The following CLNK variants were observed in gnomAD, a reference collection of about 807,000 sequenced individuals.
The protein encoded by CLNK is cytokine-dependent hematopoietic cell linker.
CLNK carries 74 observed loss-of-function variants against 68.6 expected under a neutral mutation model. The observed-to-expected ratio is 1.08, with a 90% CI of 0.89 to 1.31. The LOEUF is 1.31. CLNK is among the 50% of genes most tolerant of loss of function. The probability of loss-of-function intolerance (pLI) is 0.00; values close to 1 mark genes in which losing one functional copy is unlikely to be tolerated. For missense variants in CLNK, 553 were observed against 515.3 expected (o/e 1.07, Z -0.71); for synonymous variants, 198 against 172.2 (o/e 1.15, Z -1.17).
chr4:10,586,013 C>CA (rs890267839), intron 3 of CLNK, among the ~76,000 whole-genome samples: 5 of 152,086 alleles, frequency 3.3e-5, no homozygotes, highest in African/African-American at 1.2e-4. Flanking sequence ...GTAGGAGTCT[C>CA]ACAAAGAGCG....
chr4:10,679,894 T>G (rs965943680), intron 1 of CLNK, among the ~76,000 whole-genome samples: 1 of 152,002 alleles, frequency 6.6e-6, no homozygotes, highest in Non-Finnish European at 1.5e-5. Flanking sequence ...TGTGGAGAAA[T>G]AGGAACACTT....
chr4:10,542,113 G>T, intron 9 of CLNK, 72 bp from the exon 10 acceptor site: 2 of 1,359,664 alleles, frequency 1.5e-6, no homozygotes, highest in Non-Finnish European at 2.0e-6. Context: ...ACAGTTTTTT[G>T]GTTTACAAAT....
intron 3 of CLNK, among the ~76,000 whole-genome samples, chr4:10,597,390 T>G (rs994811810): frequency 6.6e-6 from 1 of 152,176 alleles, no homozygotes; most frequent in East Asian, 1.9e-4. Flanking sequence ...TTGTCTCTAG[T>G]CAGTAATTCG....
Position 10,584,920 on chromosome 4 carries a change from G to A in CLNK, c.112+7C>T, listed in dbSNP as rs748560667. On this transcript the variant is annotated splice_region_variant and intron_variant, in intron 4 of 18. Coordinates refer to ENST00000226951, the MANE Select transcript of CLNK (RefSeq NM_052964.4). ...CACCACTTAGGTGACAGAGAGCCCC[G>A]ACTCACCTGTGGCACTATTGATGCG... 3.1e-6 allele frequency: 5 copies of A among 1,613,400 alleles called. No individual in the cohort carries two copies. In the African/African-American group the frequency reaches 4.0e-5, roughly 13 times the overall value.
At chr4:10,499,495 G>A (rs1354751756) in intron 18 of CLNK, among the ~76,000 whole-genome samples, 1 of 152,182 alleles carries the variant, frequency 6.6e-6, no homozygotes, top group Non-Finnish European at 1.5e-5. Context: ...GGTCAGACAC[G>A]GGATTTAAGC....
At chr4:10,647,841 A>G (rs898479603) in intron 2 of CLNK, among the ~76,000 whole-genome samples, 1 of 152,206 alleles carries the variant, frequency 6.6e-6, no homozygotes, top group African/African-American at 2.4e-5. Flanking sequence ...CGATAAACAT[A>G]GATATATTAT....
intron 4 of CLNK, among the ~76,000 whole-genome samples, chr4:10,574,151 A>G (rs2108829866): frequency 6.6e-6 from 1 of 152,254 alleles, no homozygotes; most frequent in South Asian, 2.1e-4. Flanking sequence ...GCCTGATCCT[A>G]ACACCGTGCA....
rs558146385 is a variant in CLNK, at chr4:10,525,927, A to G, written c.650-5T>C. The G allele has an allele frequency of 1.3e-5, 20 of 1,540,188 alleles. No homozygotes were observed. Among genetic ancestry groups the G allele is most frequent in the East Asian group, 2.3e-5 (1 of 42,758 alleles). On this transcript the variant is annotated splice_polypyrimidine_tract_variant and splice_region_variant and intron_variant, in intron 13 of 18. Transcript: ENST00000226951. ...GCTTCCTCTGGTTATGAGGAACTAT[A>G]TAAAACAGTGACATAATTTGGTCAG...
chr4:10,632,460 A>G (rs1722929661), intron 2 of CLNK, among the ~76,000 whole-genome samples: 2 of 152,260 alleles, frequency 1.3e-5, no homozygotes, highest in African/African-American at 4.8e-5. Context: ...CACGCATATC[A>G]GACTATACAA....
In CLNK at chr4:10,489,078, T is replaced by A. The variant is rs1436630416; in HGVS notation, c.*1389A>T. 6.6e-6 allele frequency: 1 copy of A among 152,110 alleles called. No individual in the cohort carries two copies. Among genetic ancestry groups the A allele is most frequent in the East Asian group, 1.9e-4 (1 of 5,198 alleles). The allele number at this position is 152,110 out of a possible 1,614,324, so 9.4% of individuals were successfully genotyped here. A position where few individuals can be genotyped will look rare whatever the true frequency, so the allele number is the denominator to read the frequency against. Reference sequence around the variant, plus strand: ...TTCTCTCTCTCTCTCTCTTTTTTTTTAAATTAGCTTTTCAACTTGATTGTA... The same window carrying A: ...TTCTCTCTCTCTCTCTCTTTTTTTTAAAATTAGCTTTTCAACTTGATTGTA... On this transcript the variant is annotated 3_prime_UTR_variant, in exon 19 of 19. Transcript: ENST00000226951.
intron 2 of CLNK, among the ~76,000 whole-genome samples, chr4:10,618,571 C>T (rs920366421): frequency 6.6e-6 from 1 of 152,094 alleles, no homozygotes; most frequent in Non-Finnish European, 1.5e-5. Context: ...AAAGAAATAC[C>T]TTAGACTGGG....
chr4:10,665,582 T>A (rs1169785597), intron 2 of CLNK, among the ~76,000 whole-genome samples: 1 of 147,212 alleles, frequency 6.8e-6, no homozygotes, highest in African/African-American at 2.5e-5. Flanking sequence ...GAGAATCACT[T>A]GAACCAGGGA....
At chr4:10,609,729 G>A (rs1462133890) in intron 2 of CLNK, among the ~76,000 whole-genome samples, 2 of 152,252 alleles carry the variant, frequency 1.3e-5, no homozygotes, top group Non-Finnish European at 2.9e-5. Flanking sequence ...GTGCAAAGTG[G>A]AGGGTGGCAT....
At chr4:10,509,859 C>T (rs1004327) in intron 16 of CLNK, among the ~76,000 whole-genome samples, 97,232 of 151,860 alleles carry the variant, frequency 0.64, 31,450 homozygotes, top group Non-Finnish European at 0.7. Context: ...TAGTCCCTAC[C>T]CCCAGGGGAG....
intron 2 of CLNK, among the ~76,000 whole-genome samples, chr4:10,644,617 T>C (rs533483644): frequency 6.6e-6 from 1 of 152,276 alleles, no homozygotes; most frequent in South Asian, 2.1e-4. Context: ...CTTGCATTGA[T>C]AGCAAAATTT....
At chr4:10,545,212 A>G (rs1252115327) in intron 8 of CLNK, among the ~76,000 whole-genome samples, 1 of 152,214 alleles carries the variant, frequency 6.6e-6, no homozygotes, top group Non-Finnish European at 1.5e-5. Context: ...TCCAAAGTTC[A>G]GAGTCTCCTC....
At chr4:10,532,618 T>C (rs545235296) in intron 11 of CLNK, among the ~76,000 whole-genome samples, 1 of 152,292 alleles carries the variant, frequency 6.6e-6, no homozygotes, top group East Asian at 1.9e-4. Flanking sequence ...TCAGACCTAT[T>C]ATTAACTTGG....
chr4:10,629,926 C>T lies in CLNK; in HGVS notation c.12-31877G>A, dbSNP rs754028700. Among the ~76,000 whole-genome samples, 63 of 152,140 alleles carry T rather than the reference C, an allele frequency of 4.1e-4. 1 individual carries two copies. The highest frequency in any genetic ancestry group is 2.4e-3 in the Admixed American group (37 of 15,286). On this transcript the variant is annotated intron_variant, in intron 2 of 18. Coordinates refer to ENST00000226951, the MANE Select transcript of CLNK (RefSeq NM_052964.4). ...GAAATATCCCATAAATCTTTGAAAA[C>T]GAAAATTTCTTCTCTCTCCTCAGTC...
At chr4:10,526,862 A>T (rs1414468593) in intron 13 of CLNK, among the ~76,000 whole-genome samples, 1 of 152,204 alleles carries the variant, frequency 6.6e-6, no homozygotes, top group Non-Finnish European at 1.5e-5. Flanking sequence ...AGAATTGCCA[A>T]GGGCACATCA....
Sources: gnomAD v4.1 joint callset for allele counts (sites outside exome capture counted in the v4.1 genomes callset) on GRCh38, gnomAD v4.1.1 for gene constraint, MANE v1.5 for transcripts, NCBI Gene and HGNC (gene_info 2026-07-23, HGNC 2026-07-21) for gene names.